Variants in ZNF488 observed in about 807,000 individuals in gnomAD.
The protein encoded by ZNF488 is zinc finger protein 488.
A neutral mutation model predicts 1.2 loss-of-function variants in ZNF488; 1 was observed. That is an observed-to-expected ratio of 0.86 (90% confidence interval 0.30 to 4.07). The LOEUF (loss-of-function observed/expected upper bound fraction) is 4.07, where lower values mean the gene tolerates loss of function less well. Among genes scored for constraint, ZNF488 ranks in the 30% most tolerant of loss-of-function variants. The pLI is 0.18. For missense variants in ZNF488, 450 were observed against 437.9 expected (o/e 1.03, Z -0.25); for synonymous variants, 185 against 190.1 (o/e 0.97, Z 0.22).
At position 47,367,967 on chromosome 10, in the gene ZNF488, G is replaced by A. The variant is rs1555213078; in HGVS notation, c.863C>T (p.Ser288Phe). 2.5e-6 allele frequency: 4 copies of A among 1,614,170 alleles called. No individual in the cohort carries two copies. Among genetic ancestry groups the A allele is most frequent in the South Asian group, 2.2e-5 (2 of 91,084 alleles). ...AKCNLSFRLT[S>F]DLVFHMRSHH... ...GGATCGCATGTGAAAGACCAGGTCG[G>A]ACGTTAGGCGAAAGGACAGGTTGCA... The change falls in exon 2 of 2, where the codon TCC (serine) becomes TTC (phenylalanine). Residue 288 changes from serine to phenylalanine, a missense_variant. Ser to Phe is a radical substitution (Grantham distance 155, BLOSUM62 -2). Transcript: ENST00000585316.
intron 1 of ZNF488, among the ~76,000 whole-genome samples, chr10:47,378,175 G>A (rs1837765078): frequency 1.3e-5 from 2 of 152,208 alleles, no homozygotes; most frequent in Admixed American, 6.5e-5. Context: ...TGCTCCCCTG[G>A]CAGAGCTTCG....
At chr10:47,374,742 C>T (rs1326583673) in intron 1 of ZNF488, among the ~76,000 whole-genome samples, 2 of 152,168 alleles carry the variant, frequency 1.3e-5, no homozygotes, top group African/African-American at 4.8e-5. Context: ...CAAAGTCCAC[C>T]ACAGCCACCC....
intron 1 of ZNF488, among the ~76,000 whole-genome samples, chr10:47,379,162 C>T (rs184765953): frequency 1.5e-4 from 19 of 130,132 alleles, no homozygotes; most frequent in Non-Finnish European, 1.7e-5. Flanking sequence ...ATAGAAGTTA[C>T]CATTTATCGG....
chr10:47,369,074 A>C, intron 1 of ZNF488, 137 bp from the exon 2 acceptor site: 3 of 509,372 alleles, frequency 5.9e-6, no homozygotes, highest in Non-Finnish European at 1.0e-5. Flanking sequence ...TGACTGCACC[A>C]CCTCTCAGGA....
At chr10:47,384,135 G>T (rs1364930420) in intron 1 of ZNF488, 85 bp downstream of exon 1, 1 of 152,800 alleles carries the variant, frequency 6.5e-6, no homozygotes, top group Non-Finnish European at 1.5e-5. Context: ...CTGTCCTGGG[G>T]AAAGGCTGAT....
In ZNF488 at chr10:47,368,644, C is replaced by T; in HGVS notation, c.186G>A (p.Val62=). The T allele has an allele frequency of 6.2e-7, 1 of 1,611,218 alleles. No homozygotes were observed. Among genetic ancestry groups the T allele is most frequent in the African/African-American group, 1.3e-5 (1 of 75,058 alleles). The change falls in exon 2 of 2, where the codon GTG becomes GTA. Residue 62 remains valine (V), a synonymous_variant. Coordinates refer to ENST00000585316, the MANE Select transcript of ZNF488 (RefSeq NM_153034.4). ...KTNRLGPEAA[V]GRAGRDVGSA... The stretch of plus-strand genomic sequence containing the variant: ...TGCCCACATCCCGGCCCGCCCTGCC[C>T]ACAGCAGCCTCAGGGCCCAGGCGGT...
chr10:47,373,087 C>T (rs1220644296), intron 1 of ZNF488, among the ~76,000 whole-genome samples: 1 of 152,186 alleles, frequency 6.6e-6, no homozygotes, highest in African/African-American at 2.4e-5. Flanking sequence ...ATTTTTCCAA[C>T]CCCAGCAAAC....
intron 1 of ZNF488, among the ~76,000 whole-genome samples, chr10:47,371,439 A>G (rs1555213849): frequency 1.3e-5 from 2 of 152,324 alleles, no homozygotes; most frequent in Admixed American, 6.5e-5. Context: ...AATAATTTTT[A>G]CTATGTACAT....
At chr10:47,369,970 A>G (rs1837404126) in intron 1 of ZNF488, among the ~76,000 whole-genome samples, 1 of 152,218 alleles carries the variant, frequency 6.6e-6, no homozygotes, top group Non-Finnish European at 1.5e-5. Context: ...GAGCTCAGGA[A>G]GCCTTTGCTG....
At position 47,368,257 on chromosome 10, in the gene ZNF488, C is replaced by T; in HGVS notation, c.573G>A (p.Glu191=). ...CTGTAGTGTTGAGGAGTCCAGACAG[C>T]TCCCCCAGGGCATCTGCAGATTCCC... The part of the protein sequence containing the change: ...PAGESADALG[E]LSGLLNTTDL... Residue 191 remains glutamate, a synonymous_variant, in exon 2 of 2, where the codon GAG becomes GAA. Transcript: ENST00000585316. 2.5e-6 allele frequency: 4 copies of T among 1,614,230 alleles called. No individual in the cohort carries two copies. Among genetic ancestry groups the T allele is most frequent in the Non-Finnish European group, 3.4e-6 (4 of 1,180,048 alleles).
At chr10:47,379,302 G>A (rs1384197150) in intron 1 of ZNF488, among the ~76,000 whole-genome samples, 2 of 152,188 alleles carry the variant, frequency 1.3e-5, no homozygotes, top group African/African-American at 4.8e-5. Flanking sequence ...TCTCCAATCT[G>A]CCAAATGCCA....
chr10:47,378,775 C>T (rs1837794267), intron 1 of ZNF488, among the ~76,000 whole-genome samples: 3 of 152,350 alleles, frequency 2.0e-5, no homozygotes, highest in African/African-American at 7.2e-5. Flanking sequence ...TCCTGTGGAA[C>T]ATCGCCACCC....
Position 47,379,237 on chromosome 10 carries a change from C to T in ZNF488, c.-109+4983G>A, listed in dbSNP as rs1159064941. On this transcript the variant is annotated intron_variant, in intron 1 of 1. Coordinates refer to ENST00000585316, the MANE Select transcript of ZNF488 (RefSeq NM_153034.4). The stretch of plus-strand genomic sequence containing the variant: ...ATGAAATAAGGCACCTTGTTCATTT[C>T]ATTTTCATAAAAACCATATGAGGGA... 2.0e-5 allele frequency among the ~76,000 whole-genome samples: 3 copies of T among 147,300 alleles called. No individual in the cohort carries two copies. The East Asian group carries it at 6.4e-4, about 31-fold the overall frequency.
chr10:47,373,845 G>A (rs1837570462), intron 1 of ZNF488, among the ~76,000 whole-genome samples: 2 of 152,214 alleles, frequency 1.3e-5, no homozygotes, highest in East Asian at 3.8e-4. Context: ...CAGGCAGCAT[G>A]GCGAGGAAGG....
chr10:47,368,681 A>C lies in ZNF488; in HGVS notation c.149T>G (p.Leu50Arg). The C allele has an allele frequency of 6.2e-7, 1 of 1,612,596 alleles. No individual in the cohort carries two copies. The highest frequency in any genetic ancestry group is 1.3e-5 in the African/African-American group (1 of 75,044). Residue 50 changes from leucine to arginine, a missense_variant, in exon 2 of 2, where the codon CTC (leucine) becomes CGC (arginine). Physicochemically the swap from Leu to Arg is moderately radical, Grantham distance 102. Transcript: ENST00000585316. Reference protein sequence around the residue: ...ELGRGCKPVLLEKTNRLGPEA... With the variant: ...ELGRGCKPVLREKTNRLGPEA... ...AGGGCCCAGGCGGTTCGTCTTCTCG[A>C]GCAGCACTGGCTTGCAGCCCCGGCC...
chr10:47,378,839 G>A (rs532995817), intron 1 of ZNF488, among the ~76,000 whole-genome samples: 6 of 152,300 alleles, frequency 3.9e-5, no homozygotes, highest in Non-Finnish European at 7.3e-5. Context: ...CGCAAACCAC[G>A]TGGTGCAGCA....
intron 1 of ZNF488, among the ~76,000 whole-genome samples, chr10:47,380,108 T>C (rs1187205312): frequency 2.6e-5 from 4 of 152,400 alleles, no homozygotes; most frequent in African/African-American, 9.6e-5. Context: ...TGCTTTGTGG[T>C]CGTCAGCTCT....
chr10:47,378,975 TC>T (rs1565786279), intron 1 of ZNF488, among the ~76,000 whole-genome samples: 1 of 152,144 alleles, frequency 6.6e-6, no homozygotes, highest in Non-Finnish European at 1.5e-5. Flanking sequence ...CTCTCTGTGT[TC>T]CCGAGCAAAG....
chr10:47,374,264 A>ATTAT (rs1362741702), intron 1 of ZNF488, among the ~76,000 whole-genome samples: 1 of 152,230 alleles, frequency 6.6e-6, no homozygotes, highest in African/African-American at 2.4e-5. Context: ...TTTTTTAGAC[A>ATTAT]TTATTTTGAC....
Sources: allele counts gnomAD v4.1 joint callset (sites outside exome capture counted in the v4.1 genomes callset), GRCh38; gene constraint gnomAD v4.1.1; transcripts MANE v1.5; gene names NCBI Gene and HGNC (gene_info 2026-07-23, HGNC 2026-07-21).